The following GALC variants were observed in gnomAD, a reference collection of about 807,000 sequenced individuals.
GALC encodes the protein galactosylceramidase.
Under a neutral mutation model 91.8 loss-of-function variants are expected in GALC, and 77 were observed. That is an observed-to-expected ratio of 0.84 (90% confidence interval 0.70 to 1.01). GALC has a LOEUF of 1.01. Ranked by LOEUF, GALC falls within the 50% of genes least tolerant of loss-of-function variation. GALC has a pLI of 0.00. For synonymous variants in GALC, 357 were observed against 306.7 expected (o/e 1.16, Z -1.71); for missense variants, 882 against 855.9 (o/e 1.03, Z -0.38).
At position 87,934,745 on chromosome 14, in the gene GALC, TC is replaced by T. The variant is rs1322827482; in HGVS notation, c.2044del (p.Glu682LysfsTer7). On this transcript the variant is annotated frameshift_variant, in exon 17 of 17. Transcript: ENST00000261304. LOFTEE classifies it high-confidence loss of function. ...CCCTGTTAAGTATTAGCGTGTGGCT[TC>T]CACAAGAAAGTTGTCAAACTGTGCA... ...EFAQFDNFLVEATR is the reference protein window; with the variant it reads ...EFAQFDNFLVXATR The T allele has an allele frequency of 6.2e-7, 1 of 1,613,124 alleles. No homozygotes were observed. Among genetic ancestry groups the T allele is most frequent in the Non-Finnish European group, 8.5e-7 (1 of 1,179,446 alleles).
intron 10 of GALC, among the ~76,000 whole-genome samples, chr14:87,959,940 G>T (rs1885727006): frequency 6.6e-6 from 1 of 152,062 alleles, no homozygotes; most frequent in South Asian, 2.1e-4. Context: ...ACACAATGGA[G>T]TACTATTAGT....
rs1458701909 is a variant in GALC, at chr14:87,984,472, A to C, written c.504T>G (p.Leu168=). 6.2e-7 allele frequency: 1 copy of C among 1,614,066 alleles called. No individual in the cohort carries two copies. Among genetic ancestry groups the C allele is most frequent in the Non-Finnish European group, 8.5e-7 (1 of 1,180,008 alleles). Reference sequence around the variant, plus strand: ...TCACGACATAATAGGCAGTCAGCTGAAGATTGACATAAGGCCAGTCGAAAC... The same window carrying C: ...TCACGACATAATAGGCAGTCAGCTGCAGATTGACATAAGGCCAGTCGAAAC... The part of the protein sequence containing the change: ...GKGFDWPYVN[L]QLTAYYVVTW... The change falls in exon 5 of 17, where the codon CTT becomes CTG. Residue 168 remains leucine (L), a synonymous_variant. Transcript: ENST00000261304.
chr14:87,955,564 C>T (rs17760204), intron 10 of GALC, among the ~76,000 whole-genome samples: 17,189 of 93,374 alleles, frequency 0.18, 1,150 homozygotes, highest in Admixed American at 0.24. Context: ...TGCTGCAGTG[C>T]TTTTACTTAT....
At chr14:87,956,496 GAA>G (rs1441982389) in intron 10 of GALC, among the ~76,000 whole-genome samples, 25 of 150,908 alleles carry the variant, frequency 1.7e-4, no homozygotes, top group African/African-American at 5.8e-4. Context: ...TTTCTATGCT[GAA>G]GAGTATTTCA....
At chr14:87,993,609 T>C, upstream of GALC, 1 of 756,030 alleles carries the variant, frequency 1.3e-6, no homozygotes, top group Non-Finnish European at 2.2e-6. Context: ...TTCCCTTATG[T>C]GAGATGAGGC....
At chr14:87,937,721 A>ACCAG (rs749074865) in intron 16 of GALC, among the ~76,000 whole-genome samples, 12 of 151,704 alleles carry the variant, frequency 7.9e-5, no homozygotes, top group Non-Finnish European at 1.3e-4. Flanking sequence ...TGATATTTTA[A>ACCAG]CCAGGTATGC....
chr14:87,942,489 A>T (rs1884904710), intron 14 of GALC, among the ~76,000 whole-genome samples: 2 of 151,886 alleles, frequency 1.3e-5, no homozygotes, highest in African/African-American at 4.8e-5. Context: ...TGCTACAACC[A>T]CCCCAAACCA....
chr14:87,953,794 G>C, intron 10 of GALC: 1 of 1,606,264 alleles, frequency 6.2e-7, no homozygotes, highest in Non-Finnish European at 8.5e-7. Flanking sequence ...ATAAAAAACT[G>C]TGATTCTAAA....
chr14:87,978,763 G>T (rs1364180750), intron 6 of GALC, among the ~76,000 whole-genome samples: 1 of 147,834 alleles, frequency 6.8e-6, no homozygotes, highest in Non-Finnish European at 1.5e-5. Context: ...AGATTTTCCA[G>T]ACACAATTTA....
upstream of GALC, chr14:87,993,358 G>A: frequency 1.3e-6 from 2 of 1,535,422 alleles, no homozygotes; most frequent in Non-Finnish European, 1.7e-6. Flanking sequence ...TCTGTGGTCA[G>A]CTACTGGATT....
chr14:87,976,249 A>C, intron 7 of GALC, 109 bp downstream of exon 7: 2 of 1,144,756 alleles, frequency 1.7e-6, no homozygotes, highest in Non-Finnish European at 2.6e-6. Context: ...AATACAGGAG[A>C]GCTACCTTCT....
In GALC at chr14:87,934,049, G is replaced by T. The variant is rs1260433283; in HGVS notation, c.*683C>A. On this transcript the variant is annotated 3_prime_UTR_variant, in exon 17 of 17. Coordinates refer to ENST00000261304, the MANE Select transcript of GALC (RefSeq NM_000153.4). ...ATAGTGGTTACAAGACCAAAACTTG[G>T]AATCAAAAAAATTAAATAATGCAAA... 4 of 1,532,246 alleles carry T rather than the reference G, an allele frequency of 2.6e-6. No homozygotes were observed. Among genetic ancestry groups the T allele is most frequent in the Admixed American group, 2.0e-5 (1 of 50,710 alleles). The allele number at this position is 1,532,246 out of a possible 1,614,324, so 94.9% of individuals were successfully genotyped here. A position where few individuals can be genotyped will look rare whatever the true frequency, so the allele number is the denominator to read the frequency against.
At chr14:87,964,723 G>T (rs1237571609) in intron 9 of GALC, among the ~76,000 whole-genome samples, 1 of 152,110 alleles carries the variant, frequency 6.6e-6, no homozygotes, top group African/African-American at 2.4e-5. Context: ...TTGTCTGGTA[G>T]AAATTTAATT....
At chr14:87,980,075 CAGATT>C (rs1338735586) in intron 6 of GALC, among the ~76,000 whole-genome samples, 1 of 152,066 alleles carries the variant, frequency 6.6e-6, no homozygotes, top group South Asian at 2.1e-4. Flanking sequence ...CCTACAACTA[CAGATT>C]AATTAAAATA....
chr14:87,949,901 T>C lies in GALC; in HGVS notation c.1282A>G (p.Thr428Ala). 1 of 1,593,378 alleles carries C rather than the reference T, an allele frequency of 6.3e-7. No homozygotes were observed. The highest frequency in any genetic ancestry group is 8.6e-7 in the Non-Finnish European group (1 of 1,161,874). ...SEIPELQVWY[T>A]KLGKTSERFL... ...CTTTCGGATGTTTTTCCAAGTTTGGTATACCATACCTGTAGCTCTGGTATT... is the reference window on the plus strand; with the variant it reads ...CTTTCGGATGTTTTTCCAAGTTTGGCATACCATACCTGTAGCTCTGGTATT... The change falls in exon 12 of 17, where the codon ACC (threonine) becomes GCC (alanine). Residue 428 changes from threonine to alanine, a missense_variant. Physicochemically the swap from Thr to Ala is moderately conservative, Grantham distance 58 (BLOSUM62 0). Coordinates refer to ENST00000261304, the MANE Select transcript of GALC (RefSeq NM_000153.4).
At chr14:87,955,026 T>C (rs1019721591) in intron 10 of GALC, 15 of 1,362,618 alleles carry the variant, frequency 1.1e-5, no homozygotes, top group Admixed American at 5.0e-5. Context: ...AGATCACCTA[T>C]GGGATGGTCA....
Position 87,986,522 on chromosome 14 carries a change from C to T in GALC, c.409G>A (p.Ala137Thr). 6.2e-7 allele frequency: 1 copy of T among 1,612,162 alleles called. No individual in the cohort carries two copies. Among genetic ancestry groups the T allele is most frequent in the Non-Finnish European group, 8.5e-7 (1 of 1,178,244 alleles). ...GTAATATTGGGATTCCTCTTCTTAG[C>T]TTCTTTCATCAACCACCACTCGTAT... ...RGYEWWLMKE[A>T]KKRNPNITLI... Residue 137 changes from alanine (A) to threonine (T), a missense_variant, in exon 4 of 17, where the codon GCT becomes ACT. Coordinates refer to ENST00000261304, the MANE Select transcript of GALC (RefSeq NM_000153.4).
rs28516590 is a variant in GALC at position 87,946,655 on chromosome 14, C to T, written c.1490-922G>A. Among the ~76,000 whole-genome samples, 1,220 of 152,092 alleles carry T rather than the reference C, an allele frequency of 8.0e-3. 22 individuals are homozygous for T. The highest frequency in any genetic ancestry group is 0.045 in the East Asian group (231 of 5,150). Reference sequence around the variant, plus strand: ...ATCTCATTATCTAGGCCATATCCCACACAGATTCCTCACTTACTGAAGGCA... The same window carrying T: ...ATCTCATTATCTAGGCCATATCCCATACAGATTCCTCACTTACTGAAGGCA... On this transcript the variant is annotated intron_variant, in intron 13 of 16. Coordinates refer to ENST00000261304, the MANE Select transcript of GALC (RefSeq NM_000153.4).
intron 14 of GALC, among the ~76,000 whole-genome samples, chr14:87,942,699 CA>C (rs1460492453): frequency 5.3e-5 from 8 of 151,944 alleles, no homozygotes; most frequent in Non-Finnish European, 8.8e-5. Flanking sequence ...TGTGTCTTAT[CA>C]GTGAATTTTG....
Sources: gnomAD v4.1 joint callset for allele counts (sites outside exome capture counted in the v4.1 genomes callset) on GRCh38, gnomAD v4.1.1 for gene constraint, MANE v1.5 for transcripts, NCBI Gene and HGNC (gene_info 2026-07-23, HGNC 2026-07-21) for gene names.